Variants in NUDC observed in about 807,000 individuals in gnomAD.
The protein encoded by NUDC is nuclear migration protein nudC.
NUDC carries 14 observed loss-of-function variants against 45.0 expected under a neutral mutation model. The observed-to-expected ratio is 0.31, with a 90% CI of 0.21 to 0.49. The LOEUF (loss-of-function observed/expected upper bound fraction) is 0.49, where lower values mean the gene tolerates loss of function less well. NUDC is among the 20% of genes least tolerant of loss of function. The pLI is 0.99. For missense variants in NUDC, 323 were observed against 426.2 expected (o/e 0.76, Z 2.13); for synonymous variants, 153 against 156.7 (o/e 0.98, Z 0.17).
At chr1:26,930,920 G>T (rs1354572294) in intron 2 of NUDC, among the ~76,000 whole-genome samples, 3 of 151,748 alleles carry the variant, frequency 2.0e-5, no homozygotes, top group African/African-American at 7.3e-5. Context: ...AGAAGCTGAG[G>T]TGGGAGAATT....
chr1:26,900,447 G>T (rs778850981), intron 1 of NUDC: 1 of 1,607,066 alleles, frequency 6.2e-7, no homozygotes, highest in South Asian at 1.1e-5. Context: ...CGCCATCTTG[G>T]ATTGTCACAT....
chr1:26,927,271 G>A (rs2082141244), intron 2 of NUDC, among the ~76,000 whole-genome samples: 1 of 147,832 alleles, frequency 6.8e-6, no homozygotes, highest in African/African-American at 2.5e-5. Context: ...AACCGTGTGT[G>A]TGTGTGTGTG....
chr1:26,931,555 C>T (rs1421508248), intron 2 of NUDC, among the ~76,000 whole-genome samples: 18 of 149,288 alleles, frequency 1.2e-4, no homozygotes, highest in African/African-American at 2.4e-4. Flanking sequence ...CCGAGGTGGG[C>T]GGATCATGAG....
intron 2 of NUDC, among the ~76,000 whole-genome samples, chr1:26,932,506 A>G (rs1317938465): frequency 6.6e-6 from 1 of 151,572 alleles, no homozygotes; most frequent in Non-Finnish European, 1.5e-5. Context: ...TTTTTTTTGT[A>G]GAGATGAGGT....
chr1:26,923,230 T>C (rs558678433), intron 1 of NUDC, among the ~76,000 whole-genome samples: 2 of 152,300 alleles, frequency 1.3e-5, no homozygotes, highest in Admixed American at 6.5e-5. Context: ...CTCTGTGCCA[T>C]ACATTGCTAA....
intron 2 of NUDC, among the ~76,000 whole-genome samples, chr1:26,927,264 C>CGTGTGTGT (rs60238934): frequency 0.34 from 31,443 of 91,432 alleles, 7,027 homozygotes; most frequent in South Asian, 0.45. Context: ...AGAGATGAAC[C>CGTGTGTGT]GTGTGTGTGT....
chr1:26,923,844 G>A (rs565144754), intron 1 of NUDC, among the ~76,000 whole-genome samples: 1 of 152,082 alleles, frequency 6.6e-6, no homozygotes, highest in Admixed American at 6.6e-5. Flanking sequence ...TGTTCCATAC[G>A]CTTAGGCTGC....
intron 2 of NUDC, among the ~76,000 whole-genome samples, chr1:26,903,678 G>A (rs1252529781): frequency 6.6e-6 from 1 of 151,856 alleles, no homozygotes; most frequent in African/African-American, 2.4e-5. Flanking sequence ...GACCAGCCTG[G>A]GCAACATAGT....
chr1:26,927,747 T>TA (rs1417398876), intron 2 of NUDC, among the ~76,000 whole-genome samples: 1 of 151,986 alleles, frequency 6.6e-6, no homozygotes, highest in African/African-American at 2.4e-5. Context: ...ACAAGGATGT[T>TA]ACGAGGATTT....
rs150069435 is a variant in NUDC at position 26,911,947 on chromosome 1, G to A, written c.93+712G>A. The stretch of plus-strand genomic sequence containing the variant: ...CAAGCAGGCTGGTCGGAATGGACTT[G>A]AGGGTGGAGGCCGTGAGGAGGACAC... On this transcript the variant is annotated intron_variant, in intron 3 of 6. Coordinates refer to the NUDC transcript ENST00000435827. The A allele has an allele frequency of 1.8e-5, 29 of 1,614,146 alleles. No homozygotes were observed. The highest frequency in any genetic ancestry group is 1.6e-4 in the Middle Eastern group (1 of 6,084).
intron 4 of NUDC, 52 bp from the exon 5 acceptor site, chr1:26,942,608 A>ATCTGTGTCTTGTCTG: frequency 1.9e-6 from 3 of 1,612,520 alleles, no homozygotes; most frequent in Non-Finnish European, 2.5e-6. Flanking sequence ...TGAGGGTTCA[A>ATCTGTGTCTTGTCTG]TCTGTGTCTT....
At chr1:26,905,157 A>T (rs7515093) in intron 2 of NUDC, among the ~76,000 whole-genome samples, 33,487 of 84,288 alleles carry the variant, frequency 0.4, 8,180 homozygotes, top group East Asian at 0.69. Context: ...TATTATTATT[A>T]TTTTTTTTTT....
chr1:26,923,660 C>T (rs773703749), intron 1 of NUDC, among the ~76,000 whole-genome samples: 4 of 151,976 alleles, frequency 2.6e-5, no homozygotes, highest in Non-Finnish European at 5.9e-5. Flanking sequence ...TTAGTAGAGA[C>T]GGGGTTTCAC....
At chr1:26,922,988 G>C (rs1315691402) in intron 1 of NUDC, among the ~76,000 whole-genome samples, 2 of 152,188 alleles carry the variant, frequency 1.3e-5, no homozygotes, top group South Asian at 2.1e-4. Flanking sequence ...GGAAACCATT[G>C]AGATATGTTC....
intron 2 of NUDC, among the ~76,000 whole-genome samples, chr1:26,935,581 C>G (rs1361723181): frequency 6.6e-6 from 1 of 151,942 alleles, no homozygotes; most frequent in East Asian, 1.9e-4. Context: ...ATGGGGGTAG[C>G]CACCCCCATG....
At position 26,921,908 on chromosome 1, in the gene NUDC, G is replaced by A. The variant is rs967797905; in HGVS notation, c.60G>A (p.Gln20=). ...GCATGTTGCTGGCCATGGCTCAGCA[G>A]CACGAGGGCGGCGTGCAGGAGGTAA... The part of the protein sequence containing the change: ...FDGMLLAMAQ[Q]HEGGVQELVN... The change falls in exon 1 of 9, where the codon CAG becomes CAA. Residue 20 remains glutamine, a synonymous_variant. Coordinates refer to ENST00000321265, the MANE Select transcript of NUDC (RefSeq NM_006600.4). 4.5e-6 allele frequency: 7 copies of A among 1,553,480 alleles called. No homozygotes were observed. The highest frequency in any genetic ancestry group is 6.1e-6 in the Non-Finnish European group (7 of 1,148,228).
intron 2 of NUDC, among the ~76,000 whole-genome samples, chr1:26,906,398 C>T (rs1326910506): frequency 2.0e-5 from 3 of 151,136 alleles, no homozygotes; most frequent in Non-Finnish European, 4.4e-5. Context: ...TGCAGTGAGC[C>T]GAGATCGCAC....
In NUDC at chr1:26,942,889, G is replaced by A. The variant is rs746265049; in HGVS notation, c.565G>A (p.Val189Met). Residue 189 changes from valine (V) to methionine (M), a missense_variant, in exon 6 of 9, where the codon GTG becomes ATG. Val to Met is a conservative substitution (Grantham distance 21, BLOSUM62 1). Coordinates refer to ENST00000321265, the MANE Select transcript of NUDC (RefSeq NM_006600.4). ...TATGCAGCTGGCGGTCCCTTTCTGT[G>A]TGAACTTCCGGCTGAAAGGGAAGGA... ...SELDLAVPFCVNFRLKGKDMV... is the reference protein window; with the variant it reads ...SELDLAVPFCMNFRLKGKDMV... 3 of 1,613,822 alleles carry A rather than the reference G, an allele frequency of 1.9e-6. No individual in the cohort carries two copies. Among genetic ancestry groups the A allele is most frequent in the Non-Finnish European group, 2.5e-6 (3 of 1,180,028 alleles).
At chr1:26,937,888 ATCTG>A (rs759700541) in intron 2 of NUDC, among the ~76,000 whole-genome samples, 91 of 151,990 alleles carry the variant, frequency 6.0e-4, no homozygotes, top group Non-Finnish European at 1.2e-3. Context: ...GGCTCAAGTG[ATCTG>A]TCTGCCTCTG....
Sources: allele counts gnomAD v4.1 joint callset (sites outside exome capture counted in the v4.1 genomes callset), GRCh38; gene constraint gnomAD v4.1.1; transcripts MANE v1.5; gene names NCBI Gene and HGNC (gene_info 2026-07-23, HGNC 2026-07-21).